COMMD1: variants seen among roughly 807,000 people sequenced by gnomAD.
COMMD1 encodes copper metabolism domain containing 1, also known as COMM domain-containing protein 1.
COMMD1 carries 10 observed loss-of-function variants against 17.2 expected under a neutral mutation model. The ratio of observed to expected loss-of-function variants is 0.58; its 90% CI spans 0.36 to 0.99. COMMD1 has a LOEUF of 0.99. Ranked by LOEUF, COMMD1 falls within the 50% of genes least tolerant of loss-of-function variation. The probability of loss-of-function intolerance (pLI) is 0.01; values close to 1 mark genes in which losing one functional copy is unlikely to be tolerated. For missense variants in COMMD1, 270 were observed against 231.8 expected (o/e 1.17, Z -1.07); for synonymous variants, 97 against 91.6 (o/e 1.06, Z -0.34).
intron 2 of COMMD1, among the ~76,000 whole-genome samples, chr2:62,113,351 C>CA (rs1168447439): frequency 6.6e-6 from 1 of 151,820 alleles, no homozygotes; most frequent in Admixed American, 6.6e-5. Context: ...GACACCGTCT[C>CA]AAAAAAATAT....
At chr2:61,938,515 T>G (rs1481433027) in intron 1 of COMMD1, among the ~76,000 whole-genome samples, 1 of 152,220 alleles carries the variant, frequency 6.6e-6, no homozygotes, top group African/African-American at 2.4e-5. Flanking sequence ...CTTGACCTTT[T>G]CCCTTTAACC....
intron 2 of COMMD1, among the ~76,000 whole-genome samples, chr2:62,127,949 G>A (rs1196398100): frequency 6.8e-6 from 1 of 147,102 alleles, no homozygotes; most frequent in Non-Finnish European, 1.5e-5. Flanking sequence ...TTGAACCCAG[G>A]AGACAGAGGT....
intron 2 of COMMD1, among the ~76,000 whole-genome samples, chr2:62,100,910 A>T (rs1558599893): frequency 6.6e-6 from 1 of 152,166 alleles, no homozygotes; most frequent in Non-Finnish European, 1.5e-5. Context: ...CATTTTCAAG[A>T]TATGGCAGAG....
chr2:62,112,496 G>A (rs1354961348), intron 2 of COMMD1, among the ~76,000 whole-genome samples: 2 of 152,230 alleles, frequency 1.3e-5, no homozygotes, highest in Non-Finnish European at 2.9e-5. Flanking sequence ...AGAAAACAGA[G>A]CTGGTAGTTA....
chr2:62,121,353 G>C lies in COMMD1; in HGVS notation c.463-14478G>C, dbSNP rs1672738850. 1.8e-5 allele frequency among the ~76,000 whole-genome samples: 2 copies of C among 109,054 alleles called. 1 individual carries two copies. The highest frequency in any genetic ancestry group is 3.4e-5 in the Non-Finnish European group (2 of 58,964). The allele number at this position is 109,054 out of a possible 152,430, so 71.5% of individuals were successfully genotyped here. ...CCACTACACTCCAACCTGGGCAACA[G>C]AGTGAGAGACTCTTTCTCAAAAAAA... is the stretch of plus-strand genomic sequence containing the variant. On this transcript the variant is annotated intron_variant, in intron 2 of 2. Coordinates refer to ENST00000311832, the MANE Select transcript of COMMD1 (RefSeq NM_152516.4).
In COMMD1 at chr2:62,000,855, A is replaced by G; in HGVS notation, c.335A>G (p.Gln112Arg). The stretch of plus-strand genomic sequence containing the variant: ...AAAATCCGTGAGAGCCTCATGAACC[A>G]GAGCCGCTGGAATAGCGGGCTTCGG... Reference protein sequence around the residue: ...KTKIRESLMNQSRWNSGLRGL... With the variant: ...KTKIRESLMNRSRWNSGLRGL... The change falls in exon 2 of 3, where the codon CAG (glutamine) becomes CGG (arginine). Residue 112 changes from glutamine to arginine, a missense_variant. Coordinates refer to ENST00000311832, the MANE Select transcript of COMMD1 (RefSeq NM_152516.4). 1 of 1,614,182 alleles carries G rather than the reference A, an allele frequency of 6.2e-7. No individual in the cohort carries two copies. Among genetic ancestry groups the G allele is most frequent in the Admixed American group, 1.7e-5 (1 of 60,004 alleles).
intron 1 of COMMD1, among the ~76,000 whole-genome samples, chr2:61,907,597 T>C (rs748416970): frequency 3.2e-4 from 48 of 152,108 alleles, no homozygotes; most frequent in Non-Finnish European, 4.9e-4. Context: ...GGGGGCTACT[T>C]CTCCTCTCTA....
chr2:61,901,163 T>C (rs1669648127), upstream of COMMD1, among the ~76,000 whole-genome samples: 1 of 151,752 alleles, frequency 6.6e-6, no homozygotes, highest in Admixed American at 6.6e-5. Context: ...GCCATGCTGG[T>C]CTTGAACTCC....
intron 2 of COMMD1, among the ~76,000 whole-genome samples, chr2:62,004,196 A>T (rs1386767858): frequency 6.6e-6 from 1 of 152,212 alleles, no homozygotes; most frequent in African/African-American, 2.4e-5. Context: ...AACTTATAAA[A>T]TTGTACACTT....
In COMMD1 at chr2:61,893,028, C is replaced by G. The variant is rs112606929; in HGVS notation, n.119+4186C>G. Among the ~76,000 whole-genome samples the G allele has an allele frequency of 6.6e-5, 10 of 151,894 alleles. No homozygotes were observed. The South Asian group carries it at 2.1e-3, about 32-fold the overall frequency. On this transcript the variant is annotated intron_variant and non_coding_transcript_variant, in intron 1 of 2. Coordinates refer to the COMMD1 transcript ENST00000472729. ...GACTATAGGCATGCGCCACCGTGGT[C>G]GGCTAATTTTGTATTTTTAGTAGAG...
chr2:62,039,715 T>C (rs1180276503), intron 2 of COMMD1, among the ~76,000 whole-genome samples: 1 of 152,244 alleles, frequency 6.6e-6, no homozygotes, highest in African/African-American at 2.4e-5. Context: ...TGCCAGGTAG[T>C]ATTTTCTATC....
chr2:62,013,398 T>C (rs1311619125), intron 2 of COMMD1, among the ~76,000 whole-genome samples: 1 of 152,262 alleles, frequency 6.6e-6, no homozygotes, highest in East Asian at 1.9e-4. Flanking sequence ...CATGGACTTC[T>C]CACAATCTCC....
chr2:61,963,172 AT>A (rs1331689302), intron 1 of COMMD1, among the ~76,000 whole-genome samples: 2 of 130,884 alleles, frequency 1.5e-5, no homozygotes, highest in Non-Finnish European at 1.6e-5. Flanking sequence ...AAAAAAAAAT[AT>A]ATATATATAT....
intron 1 of COMMD1, among the ~76,000 whole-genome samples, chr2:61,977,865 T>C (rs956567256): frequency 3.3e-5 from 5 of 151,456 alleles, no homozygotes; most frequent in African/African-American, 1.2e-4. Context: ...GGTGTGTGCC[T>C]GTAATCCCGG....
chr2:61,934,475 C>T (rs568473895), intron 1 of COMMD1, among the ~76,000 whole-genome samples: 12 of 152,148 alleles, frequency 7.9e-5, no homozygotes, highest in African/African-American at 2.4e-4. Flanking sequence ...GTGATCCCAG[C>T]GCTTGGGGAG....
At chr2:62,018,463 A>T (rs1480741272) in intron 2 of COMMD1, among the ~76,000 whole-genome samples, 1 of 152,266 alleles carries the variant, frequency 6.6e-6, no homozygotes, top group Non-Finnish European at 1.5e-5. Flanking sequence ...GATTAAATCC[A>T]AGCTACCACT....
intron 2 of COMMD1, among the ~76,000 whole-genome samples, chr2:62,031,518 C>T (rs1436015174): frequency 1.3e-5 from 2 of 152,184 alleles, no homozygotes; most frequent in Non-Finnish European, 2.9e-5. Flanking sequence ...AACTGTGCTT[C>T]ACCAGTGAAA....
At chr2:62,104,602 C>T (rs866829004) in intron 2 of COMMD1, among the ~76,000 whole-genome samples, 2 of 143,736 alleles carry the variant, frequency 1.4e-5, no homozygotes, top group African/African-American at 5.4e-5. Context: ...CCACTGTACT[C>T]CAGCCTGGGC....
chr2:61,967,288 A>G (rs1671530813), intron 1 of COMMD1, among the ~76,000 whole-genome samples: 1 of 152,238 alleles, frequency 6.6e-6, no homozygotes, highest in African/African-American at 2.4e-5. Context: ...CCAAAAATAC[A>G]TAAAAACATA....
Sources: allele counts gnomAD v4.1 joint callset (sites outside exome capture counted in the v4.1 genomes callset), GRCh38; gene constraint gnomAD v4.1.1; transcripts MANE v1.5; gene names NCBI Gene and HGNC (gene_info 2026-07-23, HGNC 2026-07-21).